The following ABCA7 variants were observed in gnomAD, a reference collection of about 807,000 sequenced individuals.
ABCA7 encodes ATP binding cassette subfamily A member 7.
A neutral mutation model predicts 227.6 loss-of-function variants in ABCA7; 261 were observed. The ratio of observed to expected loss-of-function variants is 1.15; its 90% CI spans 1.04 to 1.27. The LOEUF (loss-of-function observed/expected upper bound fraction) is 1.27, where lower values mean the gene tolerates loss of function less well. ABCA7 is among the 50% of genes most tolerant of loss of function. The pLI, the probability that ABCA7 is intolerant of heterozygous loss-of-function variation, is 0.00. For synonymous variants in ABCA7, 1,488 were observed against 1,279.7 expected, an observed-to-expected ratio of 1.16 and a Z score of -3.47; for missense variants, 3,331 against 2,924.5, an observed-to-expected ratio of 1.14 and a Z score of -3.21.
intron 40 of ABCA7, 62 bp from the exon 41 acceptor site, chr19:1,061,719 AT>A: frequency 6.8e-7 from 1 of 1,472,274 alleles, no homozygotes; most frequent in Non-Finnish European, 9.2e-7. Context: ...AAAAAAAGAA[AT>A]CAGAGATGCC....
rs1406365823 is a variant in ABCA7, at chr19:1,046,344, C to T, written c.1560C>T (p.Gly520=). 2 of 1,600,420 alleles carry T rather than the reference C, an allele frequency of 1.2e-6. No individual in the cohort carries two copies. The highest frequency in any genetic ancestry group is 1.7e-6 in the Non-Finnish European group (2 of 1,177,800). Residue 520 remains glycine (G), a synonymous_variant, in exon 13 of 47, where the codon GGC becomes GGT. Coordinates refer to ENST00000263094, the MANE Select transcript of ABCA7 (RefSeq NM_019112.4). The stretch of plus-strand genomic sequence containing the variant: ...GTGCAGCCGTCCGCGTGCTCAGCGG[C>T]GCCAACCCCCGGGCCGGCCTCTACC... ...VERAAVRVLS[G]ANPRAGLYLQ...
chr19:1,053,576 T>G (rs9282559), intron 24 of ABCA7, 45 bp downstream of exon 24: 111,441 of 1,543,274 alleles, frequency 0.072, 6,154 homozygotes, highest in African/African-American at 0.29. Context: ...GAGGAGGGCT[T>G]CCTGGAGGAG....
rs866979993 is a variant in ABCA7, at chr19:1,056,466, A to C, written c.4553A>C (p.Asn1518Thr). ...ATCACCACACTCAACCACCCCTTGAACCTCACCAAGGAGCAGCTGTCTGAG... is the reference window on the plus strand; with the variant it reads ...ATCACCACACTCAACCACCCCTTGACCCTCACCAAGGAGCAGCTGTCTGAG... ...HSITTLNHPL[N>T]LTKEQLSEGA... Residue 1518 changes from asparagine to threonine, a missense_variant, in exon 33 of 47, where the codon AAC becomes ACC. Coordinates refer to ENST00000263094, the MANE Select transcript of ABCA7 (RefSeq NM_019112.4). This position sits in a 1 kb window ranked among gnomAD's most constrained non-coding sequence, Gnocchi z 4.3. 1 of 1,613,326 alleles carries C rather than the reference A, an allele frequency of 6.2e-7. No homozygotes were observed. Among genetic ancestry groups the C allele is most frequent in the African/African-American group, 1.3e-5 (1 of 74,944 alleles).
In ABCA7 at chr19:1,056,578, G is replaced by A. The variant is rs1200248457; in HGVS notation, c.4586+79G>A. On this transcript the variant is annotated intron_variant, in intron 33 of 46. Coordinates refer to ENST00000263094, the MANE Select transcript of ABCA7 (RefSeq NM_019112.4). The surrounding 1 kb of genome is among the most constrained non-coding windows in gnomAD (Gnocchi z 4.3). ...TTCTCTGTCGTTTGGGGTGGTGGGA[G>A]CTGGATTTGAACCCTGACACACTCT... is the stretch of plus-strand genomic sequence containing the variant. 2.0e-6 allele frequency: 3 copies of A among 1,483,788 alleles called. No individual in the cohort carries two copies. Among genetic ancestry groups the A allele is most frequent in the Non-Finnish European group, 2.7e-6 (3 of 1,101,244 alleles). 91.9% of individuals were successfully genotyped at this position (1,483,788 alleles called of 1,614,324 possible). A position where few individuals can be genotyped will look rare whatever the true frequency, so the allele number is the denominator to read the frequency against.
In ABCA7 at chr19:1,047,183, C is replaced by G; in HGVS notation, c.1872C>G (p.His624Gln). The change falls in exon 15 of 47, where the codon CAC becomes CAG. Residue 624 changes from histidine to glutamine, a missense_variant. His to Gln is a conservative substitution (Grantham distance 24). Transcript: ENST00000263094. Reference sequence around the variant, plus strand: ...TGGGAGACATCCTCCCCTACAGCCACCCGGGCGTGGTCTTCCTGTTCTTGG... The same window carrying G: ...TGGGAGACATCCTCCCCTACAGCCAGCCGGGCGTGGTCTTCCTGTTCTTGG... The part of the protein sequence containing the change: ...LKLGDILPYS[H>Q]PGVVFLFLAA... The G allele has an allele frequency of 6.2e-7, 1 of 1,605,208 alleles. No homozygotes were observed. Among genetic ancestry groups the G allele is most frequent in the Non-Finnish European group, 8.5e-7 (1 of 1,177,750 alleles).
intron 40 of ABCA7, among the ~76,000 whole-genome samples, chr19:1,060,207 A>ATATTTTTTTTTT: frequency 3.1e-5 from 3 of 96,770 alleles, no homozygotes; most frequent in African/African-American, 1.0e-4. Context: ...ATATATATAT[A>ATATTTTTTTTTT]TTTTTTTTTC....
In ABCA7 at chr19:1,047,669, G is replaced by T. The variant is rs1333397316; in HGVS notation, c.2269+15G>T. 5.1e-6 allele frequency: 8 copies of T among 1,579,302 alleles called. No individual in the cohort carries two copies. In the Middle Eastern group the frequency reaches 7.4e-4, roughly 145 times the overall value. On this transcript the variant is annotated intron_variant, in intron 16 of 46. Coordinates refer to ENST00000263094, the MANE Select transcript of ABCA7 (RefSeq NM_019112.4). ...TGTGTGCCCAGGTGGGCCGTAGGGG[G>T]CGGGGCTCCGGGCCGGGTCGCACCT... is the stretch of plus-strand genomic sequence containing the variant.
At chr19:1,063,991 G>C in intron 44 of ABCA7, 128 bp downstream of exon 44, 2 of 1,359,596 alleles carry the variant, frequency 1.5e-6, no homozygotes, top group South Asian at 1.5e-5. Flanking sequence ...CAGGCCCCGG[G>C]GTGTAAGGAC....
intron 18 of ABCA7, among the ~76,000 whole-genome samples, chr19:1,050,050 A>G (rs555778923): frequency 7.3e-6 from 1 of 136,300 alleles, no homozygotes; most frequent in South Asian, 2.5e-4. Flanking sequence ...GCCCCCGACC[A>G]GTCCCTCCCT....
chr19:1,048,941 C>G lies in ABCA7; in HGVS notation c.2316C>G (p.Ser772Arg). Residue 772 changes from serine to arginine, a missense_variant, in exon 17 of 47, where the codon AGC (serine) becomes AGG (arginine). Physicochemically the swap from Ser to Arg is moderately radical, Grantham distance 110 (BLOSUM62 -1). Coordinates refer to ENST00000263094, the MANE Select transcript of ABCA7 (RefSeq NM_019112.4). ...PEPWNFPFRR[S>R]YWCGPRPPKS... ...CATGGAATTTTCCTTTTCGGAGGAGCTACTGGTGCGGACCTCGGCCCCCCA... is the reference window on the plus strand; with the variant it reads ...CATGGAATTTTCCTTTTCGGAGGAGGTACTGGTGCGGACCTCGGCCCCCCA... The G allele has an allele frequency of 6.2e-7, 1 of 1,609,976 alleles. No homozygotes were observed. Among genetic ancestry groups the G allele is most frequent in the South Asian group, 1.1e-5 (1 of 90,294 alleles).
chr19:1,064,188 G>C lies in ABCA7; in HGVS notation c.5979G>C (p.Ser1993=). The C allele has an allele frequency of 6.3e-7, 1 of 1,580,038 alleles. No homozygotes were observed. The highest frequency in any genetic ancestry group is 8.6e-7 in the Non-Finnish European group (1 of 1,164,534). The change falls in exon 45 of 47, where the codon TCG becomes TCC. Residue 1993 remains serine, a synonymous_variant. Transcript: ENST00000263094. The part of the protein sequence containing the change: ...HSMEECEALC[S]RLAIMVNGRF... ...TGGAGGAGTGTGAAGCGCTCTGCTCGCGCCTGGCCATCATGGTGAATGGGC... is the reference window on the plus strand; with the variant it reads ...TGGAGGAGTGTGAAGCGCTCTGCTCCCGCCTGGCCATCATGGTGAATGGGC...
At position 1,041,816 on chromosome 19, in the gene ABCA7, G is replaced by A; in HGVS notation, c.161-15G>A. ...CAGAGTCCACAGGGCCTCAGCACCA[G>A]GCGTCTCCCCGCAGGCCACTTCCCA... On this transcript the variant is annotated splice_polypyrimidine_tract_variant and intron_variant, in intron 3 of 46. Coordinates refer to ENST00000263094, the MANE Select transcript of ABCA7 (RefSeq NM_019112.4). 1.2e-6 allele frequency: 2 copies of A among 1,600,828 alleles called. No homozygotes were observed. The highest frequency in any genetic ancestry group is 1.7e-6 in the Non-Finnish European group (2 of 1,178,334).
rs774574235 is a variant in ABCA7 at position 1,062,145 on chromosome 19, C to G, written c.5571-27C>G. The G allele has an allele frequency of 4.3e-6, 7 of 1,609,212 alleles. No homozygotes were observed. The African/African-American group carries it at 8.0e-5, about 18-fold the overall frequency. ...GTATGGTCAGGGACTAGCCAGCTCT[C>G]TGAGCCCCCGGCGCCCCCATCCCCA... On this transcript the variant is annotated intron_variant, in intron 41 of 46. Coordinates refer to ENST00000263094, the MANE Select transcript of ABCA7 (RefSeq NM_019112.4).
intron 3 of ABCA7, 36 bp from the exon 4 acceptor site, chr19:1,041,795 G>A (rs760429218): frequency 2.5e-6 from 4 of 1,599,474 alleles, no homozygotes; most frequent in South Asian, 2.2e-5. Flanking sequence ...GTCAGGCAGA[G>A]TCCACAGGGC....
intron 45 of ABCA7, 123 bp from the exon 46 acceptor site, chr19:1,064,808 C>A (rs2042934016): frequency 7.2e-7 from 1 of 1,393,056 alleles, no homozygotes; most frequent in Non-Finnish European, 9.4e-7. Context: ...GACGGGAGGA[C>A]CACTTGATCG....
At position 1,051,135 on chromosome 19, in the gene ABCA7, G is replaced by C. The variant is rs1415328238; in HGVS notation, c.2685-20G>C. 2 of 1,609,264 alleles carry C rather than the reference G, an allele frequency of 1.2e-6. No individual in the cohort carries two copies. The highest frequency in any genetic ancestry group is 2.7e-5 in the African/African-American group (2 of 74,360). On this transcript the variant is annotated intron_variant, in intron 19 of 46. Transcript: ENST00000263094. ...CTCTGCCTGCCATGTGGGTCACTCT[G>C]CTCTGTGCACTGGCCGCAGGCTGAC...
intron 18 of ABCA7, among the ~76,000 whole-genome samples, chr19:1,050,501 G>T (rs1789732220): frequency 6.6e-6 from 1 of 152,020 alleles, no homozygotes; most frequent in Non-Finnish European, 1.5e-5. Context: ...GCCAGGCGTG[G>T]TGGCTCAGGC....
chr19:1,048,845 G>A, intron 16 of ABCA7, 50 bp from the exon 17 acceptor site: 1 of 1,074,656 alleles, frequency 9.3e-7, no homozygotes, highest in Non-Finnish European at 1.3e-6. Context: ...AAAAAGCCTG[G>A]TACACTCCTG....
intron 45 of ABCA7, chr19:1,064,539 T>A: frequency 3.2e-6 from 1 of 313,290 alleles, no homozygotes; most frequent in South Asian, 4.6e-5. Flanking sequence ...GGTGGATTGA[T>A]GGGTGGAGTT....
Sources: allele counts gnomAD v4.1 joint callset (sites outside exome capture counted in the v4.1 genomes callset), GRCh38; gene constraint gnomAD v4.1.1; non-coding constraint Gnocchi (gnomAD v3.1); transcripts MANE v1.5; gene names NCBI Gene and HGNC (gene_info 2026-07-23, HGNC 2026-07-21).